The following PIWIL3 variants were observed in gnomAD, a reference collection of about 807,000 sequenced individuals.
The protein encoded by PIWIL3 is piwi like RNA-mediated gene silencing 3.
In PIWIL3, 101 loss-of-function variants were observed where a neutral mutation model predicts 109.7. The observed-to-expected ratio is 0.92, with a 90% CI of 0.78 to 1.09. The LOEUF (loss-of-function observed/expected upper bound fraction) is 1.09. Among genes scored for constraint, PIWIL3 ranks in the 50% least tolerant of loss-of-function variants. PIWIL3 has a pLI of 0.00. For missense variants in PIWIL3, 1,031 were observed against 1,072.6 expected, an observed-to-expected ratio of 0.96 and a Z score of 0.54; for synonymous variants, 373 against 376.4, an observed-to-expected ratio of 0.99 and a Z score of 0.10.
rs1569097204 is a variant in PIWIL3 at position 24,728,039 on chromosome 22, CATT to C, written c.1917_1919del (p.Met640del). On this transcript the variant is annotated inframe_deletion, in exon 16 of 21. Coordinates refer to ENST00000616349, the MANE Select transcript of PIWIL3 (RefSeq NM_001255975.1). ...CGTGGAAACAATCAATGCCAACGAA[CATT>C]GTTCTTTGTACCTTAAGTTTGTTTT... 1.2e-6 allele frequency: 2 copies of C among 1,613,854 alleles called. No individual in the cohort carries two copies. Among genetic ancestry groups the C allele is most frequent in the Admixed American group, 3.3e-5 (2 of 59,996 alleles).
At chr22:24,773,175 C>T (rs778545482) in intron 1 of PIWIL3, among the ~76,000 whole-genome samples, 5 of 152,150 alleles carry the variant, frequency 3.3e-5, no homozygotes, top group East Asian at 1.9e-4. Flanking sequence ...CCTCTGACAC[C>T]GGATCCTAGG....
At chr22:24,763,309 G>GT (rs1334825597) in intron 1 of PIWIL3, among the ~76,000 whole-genome samples, 1 of 150,004 alleles carries the variant, frequency 6.7e-6, no homozygotes, top group African/African-American at 2.5e-5. Context: ...TTGTTTGTTT[G>GT]TTTTTTATTT....
chr22:24,733,064 CA>C (rs1225228330), intron 14 of PIWIL3, among the ~76,000 whole-genome samples: 2 of 152,170 alleles, frequency 1.3e-5, no homozygotes, highest in Non-Finnish European at 2.9e-5. Flanking sequence ...AACAGGATTT[CA>C]AAATGCAGAC....
At chr22:24,741,383 A>C (rs1423619358) in intron 12 of PIWIL3, among the ~76,000 whole-genome samples, 2 of 152,190 alleles carry the variant, frequency 1.3e-5, no homozygotes, top group Non-Finnish European at 2.9e-5. Flanking sequence ...CATGCACCAT[A>C]GTCCCAGCTA....
intron 1 of PIWIL3, among the ~76,000 whole-genome samples, chr22:24,768,256 T>TTG (rs1275703061): frequency 2.8e-5 from 4 of 143,626 alleles, no homozygotes; most frequent in African/African-American, 1.1e-4. Flanking sequence ...GTTTTTTGTG[T>TTG]TTTTTTTTTC....
At chr22:24,739,435 C>A (rs564866276) in intron 12 of PIWIL3, among the ~76,000 whole-genome samples, 33 of 152,134 alleles carry the variant, frequency 2.2e-4, no homozygotes, top group African/African-American at 7.7e-4. Flanking sequence ...AAGAAAGGAT[C>A]CTAATAGCAG....
chr22:24,734,060 T>C, intron 14 of PIWIL3, 24 bp downstream of exon 14: 1 of 1,594,784 alleles, frequency 6.3e-7, no homozygotes. Flanking sequence ...TAAAAGATTG[T>C]ACATGTATCA....
In PIWIL3 at chr22:24,725,001, A is replaced by G; in HGVS notation, c.2117T>C (p.Met706Thr). Residue 706 changes from methionine to threonine, a missense_variant, in exon 18 of 21, where the codon ATG (methionine) becomes ACG (threonine). Physicochemically the swap from Met to Thr is moderately conservative, Grantham distance 81. Transcript: ENST00000616349. ...CCGATACACAATAACAGAATGTGGC[A>G]TCGATGATTCGTTTTTACACCAGAC... ...LDVWCKNESS[M>T]PHSVIVYRDG... 1.2e-6 allele frequency: 2 copies of G among 1,614,216 alleles called. No homozygotes were observed. The highest frequency in any genetic ancestry group is 8.5e-7 in the Non-Finnish European group (1 of 1,180,024).
rs1178041267 is a variant in PIWIL3 at position 24,734,150 on chromosome 22, T to C, written c.1641A>G (p.Glu547=). 1.9e-6 allele frequency: 3 copies of C among 1,611,434 alleles called. No individual in the cohort carries two copies. Among genetic ancestry groups the C allele is most frequent in the African/African-American group, 1.3e-5 (1 of 74,980 alleles). ...GITMKPAEMI[E]VDGDANSYID... is the part of the protein sequence containing the mutation. ...TATAGGAGTTAGCATCACCATCTAC[T>C]TCAATCCTAAAAAATAAATATAGCA... The change falls in exon 14 of 21, where the codon GAA becomes GAG. Residue 547 remains glutamate (E), a synonymous_variant. Transcript: ENST00000616349.
At position 24,749,494 on chromosome 22, in the gene PIWIL3, TA is replaced by T; in HGVS notation, c.1243del (p.Tyr415IlefsTer4). The T allele has an allele frequency of 6.2e-7, 1 of 1,613,518 alleles. No individual in the cohort carries two copies. The highest frequency in any genetic ancestry group is 2.2e-5 in the East Asian group (1 of 44,880). ...TTTAGCCAATTCTTTCACAATGCTA[TA>T]ATCTTTACATATTTCATCTGTTAGA... ...TGLTDEICKD[Y>X]SIVKELAKHT... On this transcript the variant is annotated frameshift_variant, in exon 11 of 21. Coordinates refer to ENST00000616349, the MANE Select transcript of PIWIL3 (RefSeq NM_001255975.1). LOFTEE classifies it high-confidence loss of function.
intron 14 of PIWIL3, among the ~76,000 whole-genome samples, chr22:24,733,095 A>G (rs1031623376): frequency 6.6e-6 from 1 of 152,204 alleles, no homozygotes; most frequent in Non-Finnish European, 1.5e-5. Context: ...CAGAATGCGT[A>G]CGGCTCACAT....
intron 16 of PIWIL3, among the ~76,000 whole-genome samples, chr22:24,726,098 G>A (rs935407946): frequency 2.6e-5 from 4 of 152,030 alleles, no homozygotes; most frequent in Non-Finnish European, 5.9e-5. Flanking sequence ...CAGGCGTCTC[G>A]GCTCCACATT....
intron 2 of PIWIL3, chr22:24,762,084 T>C: frequency 1.1e-6 from 1 of 950,884 alleles, no homozygotes; most frequent in Non-Finnish European, 1.3e-6. Flanking sequence ...TTCAGGAAGT[T>C]GCTCATTTTG....
chr22:24,772,793 GAA>G (rs1359867316), intron 1 of PIWIL3, among the ~76,000 whole-genome samples: 2 of 152,226 alleles, frequency 1.3e-5, no homozygotes, highest in African/African-American at 2.4e-5. Flanking sequence ...ATCGGGAAGA[GAA>G]AGTTTTAAGG....
intron 1 of PIWIL3, among the ~76,000 whole-genome samples, chr22:24,766,506 T>C (rs1925803789): frequency 6.6e-6 from 1 of 151,892 alleles, no homozygotes; most frequent in African/African-American, 2.4e-5. Context: ...TTTTTTTTAG[T>C]AGAGACGGGG....
At chr22:24,727,562 A>G (rs188642914) in intron 16 of PIWIL3, among the ~76,000 whole-genome samples, 1 of 152,354 alleles carries the variant, frequency 6.6e-6, no homozygotes, top group East Asian at 1.9e-4. Context: ...TTCAGCCACA[A>G]TGACATGAGC....
At chr22:24,730,051 G>A (rs1191553257) in intron 14 of PIWIL3, among the ~76,000 whole-genome samples, 1 of 151,700 alleles carries the variant, frequency 6.6e-6, no homozygotes, top group Non-Finnish European at 1.5e-5. Context: ...GGTGAAATTA[G>A]AATTATGTGT....
At chr22:24,720,562 C>T (rs1361874180) in intron 19 of PIWIL3, among the ~76,000 whole-genome samples, 4 of 152,062 alleles carry the variant, frequency 2.6e-5, no homozygotes, top group African/African-American at 9.7e-5. Flanking sequence ...TGAGCCACTG[C>T]GCCTGGCCTT....
chr22:24,727,210 T>C (rs920066779), intron 16 of PIWIL3, among the ~76,000 whole-genome samples: 3 of 152,258 alleles, frequency 2.0e-5, no homozygotes, highest in Non-Finnish European at 4.4e-5. Flanking sequence ...GAATTCTACC[T>C]GTTCTAATCC....
Sources: gnomAD v4.1 joint callset for allele counts (sites outside exome capture counted in the v4.1 genomes callset) on GRCh38, gnomAD v4.1.1 for gene constraint, MANE v1.5 for transcripts, NCBI Gene and HGNC (gene_info 2026-07-23, HGNC 2026-07-21) for gene names.